The following SCFD2 variants were observed in gnomAD, a reference collection of about 807,000 sequenced individuals.
SCFD2 encodes the protein sec1 family domain-containing protein 2.
SCFD2 carries 54 observed loss-of-function variants against 58.9 expected under a neutral mutation model. The ratio of observed to expected loss-of-function variants is 0.92; its 90% confidence interval spans 0.74 to 1.15. The LOEUF (loss-of-function observed/expected upper bound fraction) is 1.15. Among genes scored for constraint, SCFD2 ranks in the 50% most tolerant of loss-of-function variants. The pLI is 0.00. For synonymous variants in SCFD2, 321 were observed against 335.9 expected, an observed-to-expected ratio of 0.96 and a Z score of 0.49; for missense variants, 805 against 836.6, an observed-to-expected ratio of 0.96 and a Z score of 0.47.
intron 4 of SCFD2, among the ~76,000 whole-genome samples, chr4:53,164,064 T>G (rs1726932015): frequency 6.6e-6 from 1 of 152,158 alleles, no homozygotes; most frequent in Non-Finnish European, 1.5e-5. Flanking sequence ...AAAAGCAAGA[T>G]AATACCACAC....
chr4:52,973,706 G>A (rs186313744), intron 5 of SCFD2, among the ~76,000 whole-genome samples: 2 of 152,276 alleles, frequency 1.3e-5, no homozygotes, highest in Admixed American at 6.5e-5. Flanking sequence ...GCCTGGCAGA[G>A]ACACAACAAA....
chr4:53,310,831 A>G (rs896210047), intron 3 of SCFD2, among the ~76,000 whole-genome samples: 2 of 152,194 alleles, frequency 1.3e-5, no homozygotes, highest in African/African-American at 4.8e-5. Flanking sequence ...TGAGGTTTCA[A>G]TCATGGGATC....
intron 6 of SCFD2, among the ~76,000 whole-genome samples, chr4:52,914,749 T>C (rs1164826189): frequency 6.6e-6 from 1 of 152,174 alleles, no homozygotes; most frequent in Non-Finnish European, 1.5e-5. Flanking sequence ...GTAATATTGA[T>C]ATATTTATTT....
In SCFD2 at chr4:53,336,492, C is replaced by A. The variant is rs568755667; in HGVS notation, c.1007+16106G>T. On this transcript the variant is annotated intron_variant, in intron 2 of 8. Coordinates refer to ENST00000401642, the MANE Select transcript of SCFD2 (RefSeq NM_152540.4). ...TCTATAAACCCCAGTTTTCTCATTT[C>A]TTTTTTCCTTTTTTTCTTTCTTCCT... Among the ~76,000 whole-genome samples the A allele has an allele frequency of 1.2e-4, 18 of 152,046 alleles. 1 individual carries two copies. Among genetic ancestry groups the A allele is most frequent in the African/African-American group, 3.6e-4 (15 of 41,502 alleles).
chr4:53,000,190 G>C (rs1482979570), intron 5 of SCFD2, among the ~76,000 whole-genome samples: 1 of 152,214 alleles, frequency 6.6e-6, no homozygotes, highest in African/African-American at 2.4e-5. Flanking sequence ...TATCCAGTCT[G>C]AGGAGAGCAC....
chr4:53,172,975 T>C (rs1727222740), intron 4 of SCFD2, among the ~76,000 whole-genome samples: 1 of 152,210 alleles, frequency 6.6e-6, no homozygotes, highest in African/African-American at 2.4e-5. Context: ...ATTTATTATA[T>C]CTCTCCCTTC....
intron 4 of SCFD2, among the ~76,000 whole-genome samples, chr4:53,237,960 C>G (rs1402728734): frequency 1.7e-5 from 2 of 116,834 alleles, no homozygotes; most frequent in Non-Finnish European, 3.7e-5. Context: ...AGGGGCTGAC[C>G]CCCCCACCTC....
At chr4:53,299,076 T>C (rs1012037947) in intron 3 of SCFD2, among the ~76,000 whole-genome samples, 1 of 151,976 alleles carries the variant, frequency 6.6e-6, no homozygotes. Context: ...TCACCAGCAA[T>C]GGAACAAAGC....
chr4:52,998,468 T>A (rs1721793871), intron 5 of SCFD2, among the ~76,000 whole-genome samples: 1 of 152,208 alleles, frequency 6.6e-6, no homozygotes, highest in South Asian at 2.1e-4. Flanking sequence ...TGATAAGAGA[T>A]TAAATCCTTC....
chr4:53,082,042 A>T (rs1268198083), intron 5 of SCFD2, among the ~76,000 whole-genome samples: 1 of 152,148 alleles, frequency 6.6e-6, no homozygotes, highest in Admixed American at 6.6e-5. Context: ...TACTTCATCT[A>T]TTTTCATAAC....
chr4:53,133,003 A>T (rs764904932), intron 5 of SCFD2, among the ~76,000 whole-genome samples: 13 of 152,288 alleles, frequency 8.5e-5, no homozygotes, highest in Non-Finnish European at 1.8e-4. Flanking sequence ...GCATAAGAGG[A>T]AAAATTCTTA....
At chr4:53,275,280 A>AT (rs1486092014) in intron 3 of SCFD2, among the ~76,000 whole-genome samples, 1 of 152,132 alleles carries the variant, frequency 6.6e-6, no homozygotes, top group Non-Finnish European at 1.5e-5. Flanking sequence ...TCTTTTCATT[A>AT]ATTTTTTTGA....
intron 2 of SCFD2, among the ~76,000 whole-genome samples, chr4:53,332,593 T>C (rs181947821): frequency 2.2e-3 from 328 of 152,368 alleles, no homozygotes; most frequent in African/African-American, 7.5e-3. Flanking sequence ...TGATGGGATG[T>C]ATCTCAAAAT....
At chr4:53,356,798 G>A (rs1344842056) in intron 1 of SCFD2, among the ~76,000 whole-genome samples, 5 of 146,592 alleles carry the variant, frequency 3.4e-5, no homozygotes, top group South Asian at 4.4e-4. Flanking sequence ...GTGCAGTGGC[G>A]CGATCTCGGC....
At chr4:53,200,593 T>A (rs934876698) in intron 4 of SCFD2, among the ~76,000 whole-genome samples, 1 of 152,148 alleles carries the variant, frequency 6.6e-6, no homozygotes, top group East Asian at 1.9e-4. Flanking sequence ...CTGGGCTTCC[T>A]GTTTGAAAAG....
intron 5 of SCFD2, among the ~76,000 whole-genome samples, chr4:53,094,426 T>A (rs1321707845): frequency 6.6e-6 from 1 of 152,108 alleles, no homozygotes; most frequent in Non-Finnish European, 1.5e-5. Flanking sequence ...TCTGTGTATA[T>A]CTGTGCCCTT....
chr4:52,915,492 T>C (rs181295208), intron 6 of SCFD2, among the ~76,000 whole-genome samples: 1 of 152,336 alleles, frequency 6.6e-6, no homozygotes, highest in African/African-American at 2.4e-5. Context: ...ATTTTTATTT[T>C]TTGCTATAAG....
chr4:53,109,569 C>T (rs188303346), intron 5 of SCFD2, among the ~76,000 whole-genome samples: 248 of 152,214 alleles, frequency 1.6e-3, no homozygotes, highest in African/African-American at 5.6e-3. Flanking sequence ...TTCCTATACA[C>T]CAATAATAGA....
At chr4:53,204,282 A>T (rs894640046) in intron 4 of SCFD2, among the ~76,000 whole-genome samples, 10 of 152,066 alleles carry the variant, frequency 6.6e-5, no homozygotes, top group Non-Finnish European at 1.2e-4. Context: ...AACTTTTTTT[A>T]AAAAAGCAAT....
Sources: gnomAD v4.1 joint callset for allele counts (sites outside exome capture counted in the v4.1 genomes callset) on GRCh38, gnomAD v4.1.1 for gene constraint, MANE v1.5 for transcripts, NCBI Gene and HGNC (gene_info 2026-07-23, HGNC 2026-07-21) for gene names.